MYBPC2: variants seen among roughly 807,000 people sequenced by gnomAD.
MYBPC2 encodes the protein myosin binding protein C2, also known as myosin-binding protein C, fast-type.
Under a neutral mutation model 137.0 loss-of-function variants are expected in MYBPC2, and 122 were observed. The ratio of observed to expected loss-of-function variants is 0.89; its 90% CI spans 0.77 to 1.03. The LOEUF is 1.03. Among genes scored for constraint, MYBPC2 ranks in the 50% least tolerant of loss-of-function variants. The pLI, the probability that MYBPC2 is intolerant of heterozygous loss-of-function variation, is 0.00. For synonymous variants in MYBPC2, 626 were observed against 612.3 expected (o/e 1.02, Z -0.33); for missense variants, 1,500 against 1,534.4 (o/e 0.98, Z 0.37).
chr19:50,446,077 G>A (rs373536300), intron 12 of MYBPC2, 25 bp downstream of exon 12: 3 of 1,606,062 alleles, frequency 1.9e-6, no homozygotes, highest in South Asian at 1.1e-5. Context: ...GGTAGGGCAC[G>A]GGCTGCACTG....
rs766530263 is a variant in MYBPC2, at chr19:50,458,717, C to T, written c.2469C>T (p.Ala823=). 1 of 1,609,422 alleles carries T rather than the reference C, an allele frequency of 6.2e-7. No homozygotes were observed. The highest frequency in any genetic ancestry group is 8.5e-7 in the Non-Finnish European group (1 of 1,179,854). The change falls in exon 21 of 28, where the codon GCC becomes GCT. Residue 823 remains alanine, a synonymous_variant. Transcript: ENST00000357701. The part of the protein sequence containing the change: ...GVNIAGRSEP[A]TLAQPVTIRE... ...ACATCGCGGGGCGCAGCGAGCCGGC[C>T]ACCCTGGCCCAGCCGGTCACCATCA...
chr19:50,454,288 G>A lies in MYBPC2; in HGVS notation c.1933G>A (p.Val645Met), dbSNP rs2039887923. 7 of 1,613,830 alleles carry A rather than the reference G, an allele frequency of 4.3e-6. No homozygotes were observed. In the African/African-American group the frequency reaches 8.0e-5, roughly 18 times the overall value. The part of the protein sequence containing the change: ...VVDVPDPPEA[V>M]RITSVGEDWA... ...AGATGTCCCAGACCCCCCGGAGGCTGTGCGCATCACCTCGGTTGGAGAGGA... is the reference window on the plus strand; with the variant it reads ...AGATGTCCCAGACCCCCCGGAGGCTATGCGCATCACCTCGGTTGGAGAGGA... The change falls in exon 18 of 28, where the codon GTG (valine) becomes ATG (methionine). Residue 645 changes from valine to methionine, a missense_variant. Transcript: ENST00000357701.
At position 50,464,428 on chromosome 19, in the gene MYBPC2, C is replaced by T. The variant is rs570606672; in HGVS notation, c.3311C>T (p.Thr1104Met). The T allele has an allele frequency of 3.4e-5, 54 of 1,611,762 alleles. No individual in the cohort carries two copies. The highest frequency in any genetic ancestry group is 3.1e-4 in the East Asian group (14 of 44,848). Residue 1104 changes from threonine to methionine, a missense_variant, in exon 27 of 28, where the codon ACG becomes ATG. Transcript: ENST00000357701. ...FLITNYQGVLTLNIRRPSPFD... is the reference protein window; with the variant it reads ...FLITNYQGVLMLNIRRPSPFD... ...ATAACCAATTACCAAGGAGTCCTGA[C>T]GCTGAACATCCGTCGCCCCTCGCCC...
rs774472235 is a variant in MYBPC2 at position 50,432,978 on chromosome 19, G to A, written c.19+6G>A. 1.3e-6 allele frequency: 2 copies of A among 1,597,146 alleles called. No individual in the cohort carries two copies. Among genetic ancestry groups the A allele is most frequent in the Admixed American group, 1.8e-5 (1 of 56,994 alleles). On this transcript the variant is annotated splice_donor_region_variant and intron_variant, in intron 1 of 27. Coordinates refer to ENST00000357701, the MANE Select transcript of MYBPC2 (RefSeq NM_004533.4). The surrounding 1 kb of genome is among the most constrained non-coding windows in gnomAD (Gnocchi z 5.5). The stretch of plus-strand genomic sequence containing the variant: ...CATGCCTGAGGCAAAACCAGGTGGC[G>A]CCAGGACCCCCTCCCTGTGTGGGGA...
chr19:50,463,085 C>T (rs2122622131), intron 26 of MYBPC2, among the ~76,000 whole-genome samples: 1 of 152,320 alleles, frequency 6.6e-6, no homozygotes, highest in South Asian at 2.1e-4. Flanking sequence ...TCATTTAGAC[C>T]AGGGGTTGGC....
rs1226941132 is a variant in MYBPC2, at chr19:50,437,453, C to G, written c.464-20C>G. 2 of 1,606,976 alleles carry G rather than the reference C, an allele frequency of 1.2e-6. No individual in the cohort carries two copies. The highest frequency in any genetic ancestry group is 1.7e-6 in the Non-Finnish European group (2 of 1,176,712). On this transcript the variant is annotated intron_variant, in intron 5 of 27. Coordinates refer to ENST00000357701, the MANE Select transcript of MYBPC2 (RefSeq NM_004533.4). ...CCTGGCCTCTAACTCACCTTCCCTT[C>G]TCTCATCACCTCTCCCCAGCACCCC...
chr19:50,448,181 T>C (rs776280512), intron 12 of MYBPC2, 44 bp from the exon 13 acceptor site: 1 of 1,577,296 alleles, frequency 6.3e-7, no homozygotes, highest in South Asian at 1.2e-5. Flanking sequence ...GTCTGTGCAC[T>C]GACTAGAGTA....
chr19:50,435,692 T>C lies in MYBPC2; in HGVS notation c.110-84T>C, dbSNP rs1288581464. On this transcript the variant is annotated intron_variant, in intron 2 of 27. Coordinates refer to ENST00000357701, the MANE Select transcript of MYBPC2 (RefSeq NM_004533.4). This position sits in a 1 kb window ranked among gnomAD's most constrained non-coding sequence, Gnocchi z 4.8. ...TCTGAGTAGAGGGGCCCTCACTGTC[T>C]CTAAGTCCTTTCCCCAAAGCGGCCC... 1.7e-6 allele frequency: 2 copies of C among 1,191,906 alleles called. No homozygotes were observed. The highest frequency in any genetic ancestry group is 2.3e-6 in the Non-Finnish European group (2 of 851,668). 73.8% of individuals were successfully genotyped at this position (1,191,906 alleles called of 1,614,324 possible).
chr19:50,455,303 T>C lies in MYBPC2; in HGVS notation c.2203+7T>C. 1.9e-6 allele frequency: 3 copies of C among 1,611,350 alleles called. No homozygotes were observed. Among genetic ancestry groups the C allele is most frequent in the Non-Finnish European group, 2.5e-6 (3 of 1,178,108 alleles). Reference sequence around the variant, plus strand: ...AAGCCTTTTATGCCTATTGGTAATGTCCTCCCTCACTTTTATGCCTATTGG... The same window carrying C: ...AAGCCTTTTATGCCTATTGGTAATGCCCTCCCTCACTTTTATGCCTATTGG... On this transcript the variant is annotated splice_region_variant and intron_variant, in intron 19 of 27. Coordinates refer to ENST00000357701, the MANE Select transcript of MYBPC2 (RefSeq NM_004533.4).
intron 15 of MYBPC2, 101 bp downstream of exon 15, chr19:50,451,410 A>T: frequency 1.4e-6 from 1 of 707,348 alleles, no homozygotes; most frequent in Non-Finnish European, 2.2e-6. Flanking sequence ...GCGAGGAAGG[A>T]TGGGCGGGGT....
In MYBPC2 at chr19:50,443,488, A is replaced by C. The variant is rs2039773904; in HGVS notation, c.903-6A>C. The C allele has an allele frequency of 1.2e-6, 2 of 1,612,452 alleles. No individual in the cohort carries two copies. The highest frequency in any genetic ancestry group is 2.7e-5 in the African/African-American group (2 of 74,920). ...GCCCTGGTTTGAGGTGAGACTTTTGAATCAGGTACGTGTTTGAGAACGTTG... is the reference window on the plus strand; with the variant it reads ...GCCCTGGTTTGAGGTGAGACTTTTGCATCAGGTACGTGTTTGAGAACGTTG... On this transcript the variant is annotated splice_region_variant and splice_polypyrimidine_tract_variant and intron_variant, in intron 9 of 27. Coordinates refer to ENST00000357701, the MANE Select transcript of MYBPC2 (RefSeq NM_004533.4).
intron 11 of MYBPC2, among the ~76,000 whole-genome samples, chr19:50,445,424 A>C (rs1323231846): frequency 6.8e-5 from 9 of 133,306 alleles, no homozygotes; most frequent in East Asian, 2.2e-4. Flanking sequence ...ACAGAGTCTC[A>C]CTCTGTCACC....
chr19:50,458,031 G>A (rs2039929581), intron 20 of MYBPC2, among the ~76,000 whole-genome samples: 1 of 151,152 alleles, frequency 6.6e-6, no homozygotes, highest in South Asian at 2.1e-4. Flanking sequence ...CAGGGTTGAG[G>A]TAAGAATTAA....
At chr19:50,457,118 A>G (rs1183765822) in intron 20 of MYBPC2, among the ~76,000 whole-genome samples, 1 of 152,078 alleles carries the variant, frequency 6.6e-6, no homozygotes, top group Non-Finnish European at 1.5e-5. Flanking sequence ...CTCTTCATCT[A>G]ACCATGGCGA....
At chr19:50,458,078 G>A (rs947476086) in intron 20 of MYBPC2, among the ~76,000 whole-genome samples, 8 of 151,610 alleles carry the variant, frequency 5.3e-5, no homozygotes, top group African/African-American at 1.9e-4. Flanking sequence ...TTGGGAGGCC[G>A]AGGTGGGCGG....
Position 50,464,457 on chromosome 19 carries a change from G to A in MYBPC2, c.3340G>A (p.Asp1114Asn). 1 of 1,612,480 alleles carries A rather than the reference G, an allele frequency of 6.2e-7. No individual in the cohort carries two copies. Among genetic ancestry groups the A allele is most frequent in the Non-Finnish European group, 8.5e-7 (1 of 1,179,486 alleles). The stretch of plus-strand genomic sequence containing the variant: ...GAACATCCGTCGCCCCTCGCCCTTC[G>A]ACGCTGGGACTTACACCTGCCGGGC... ...TLNIRRPSPF[D>N]AGTYTCRAVN... Residue 1114 changes from aspartate to asparagine, a missense_variant, in exon 27 of 28, where the codon GAC becomes AAC. Transcript: ENST00000357701.
intron 1 of MYBPC2, among the ~76,000 whole-genome samples, chr19:50,434,723 G>C (rs1208558237): frequency 6.6e-6 from 1 of 152,220 alleles, no homozygotes; most frequent in Non-Finnish European, 1.5e-5. Flanking sequence ...AGCAGGCTGT[G>C]GGGTGGGTCC....
intron 11 of MYBPC2, 77 bp from the exon 12 acceptor site, chr19:50,445,803 C>A: frequency 1.4e-6 from 2 of 1,427,258 alleles, no homozygotes; most frequent in African/African-American, 2.8e-5. Context: ...CTGCATGGGC[C>A]CCCGACTGAC....
At position 50,442,759 on chromosome 19, in the gene MYBPC2, A is replaced by G. The variant is rs2039768016; in HGVS notation, c.902+446A>G. On this transcript the variant is annotated intron_variant, in intron 9 of 27. Transcript: ENST00000357701. ...ACAACAACAACAAACACATCACAAG[A>G]CAACCTTTTTTAAATTAATTACCTA... Among the ~76,000 whole-genome samples, 5 of 152,082 alleles carry G rather than the reference A, an allele frequency of 3.3e-5. No individual in the cohort carries two copies. The South Asian group carries it at 1.0e-3, about 32-fold the overall frequency.
Sources: allele counts gnomAD v4.1 joint callset (sites outside exome capture counted in the v4.1 genomes callset), GRCh38; gene constraint gnomAD v4.1.1; non-coding constraint Gnocchi (gnomAD v3.1); transcripts MANE v1.5; gene names NCBI Gene and HGNC (gene_info 2026-07-23, HGNC 2026-07-21).